The following PUM3 variants were observed in gnomAD, a reference collection of about 807,000 sequenced individuals.
The protein encoded by PUM3 is pumilio homolog 3.
In PUM3, 91 loss-of-function variants were observed where a neutral mutation model predicts 84.0. That is an observed-to-expected ratio of 1.08 (90% confidence interval 0.91 to 1.29). The LOEUF is 1.29. Among genes scored for constraint, PUM3 ranks in the 50% most tolerant of loss-of-function variants. The pLI is 0.00. For missense variants in PUM3, 1,067 were observed against 767.5 expected, an observed-to-expected ratio of 1.39 and a Z score of -4.61; for synonymous variants, 321 against 266.7, an observed-to-expected ratio of 1.20 and a Z score of -1.98.
intron 1 of PUM3, among the ~76,000 whole-genome samples, chr9:2,842,958 C>A (rs977108157): frequency 1.3e-5 from 2 of 152,170 alleles, no homozygotes; most frequent in Admixed American, 6.5e-5. Flanking sequence ...CCTCTCTACT[C>A]TGCCACGCTG....
intron 1 of PUM3, among the ~76,000 whole-genome samples, chr9:2,843,222 A>G (rs1335008800): frequency 6.6e-6 from 1 of 152,144 alleles, no homozygotes; most frequent in Admixed American, 6.5e-5. Context: ...GTTCCACTCT[A>G]TCCGGCTAAC....
intron 17 of PUM3, among the ~76,000 whole-genome samples, 161 bp from the exon 18 acceptor site, chr9:2,804,624 A>G (rs1443207274): frequency 6.6e-6 from 1 of 152,224 alleles, no homozygotes; most frequent in African/African-American, 2.4e-5. Flanking sequence ...CCAGTAGCCC[A>G]TATTATAACA....
chr9:2,834,829 G>A (rs999027269), intron 3 of PUM3, among the ~76,000 whole-genome samples: 11 of 106,958 alleles, frequency 1.0e-4, no homozygotes, highest in Non-Finnish European at 1.7e-4. Context: ...TATAAAAGTC[G>A]AATATCTATC....
At chr9:2,839,347 C>T (rs573220003) in intron 1 of PUM3, among the ~76,000 whole-genome samples, 13 of 152,258 alleles carry the variant, frequency 8.5e-5, no homozygotes, top group African/African-American at 3.1e-4. Context: ...CTAGACAACA[C>T]CAGATATTTC....
chr9:2,827,330 T>C (rs986456249), intron 9 of PUM3, among the ~76,000 whole-genome samples, 179 bp from the exon 10 acceptor site: 1 of 152,214 alleles, frequency 6.6e-6, no homozygotes, highest in South Asian at 2.1e-4. Flanking sequence ...AAAATTTAGA[T>C]GGTAAAATTG....
Position 2,823,785 on chromosome 9 carries a change from G to A in PUM3, c.1184C>T (p.Ala395Val). ...ATGTAGTTTTATTATACTTACATTA[G>A]CCACCTTTTCAACATAAGTCTTCAT... ...KTMKTYVEKV[A>V]NGQYSHLVLL... Residue 395 changes from alanine to valine, a missense_variant, in exon 12 of 18, where the codon GCT becomes GTT. Transcript: ENST00000397885. 1 of 1,436,074 alleles carries A rather than the reference G, an allele frequency of 7.0e-7. No individual in the cohort carries two copies. The highest frequency in any genetic ancestry group is 9.6e-7 in the Non-Finnish European group (1 of 1,040,124). 89.0% of individuals were successfully genotyped at this position (1,436,074 alleles called of 1,614,324 possible). A position where few individuals can be genotyped will look rare whatever the true frequency, so the allele number is the denominator to read the frequency against.
intron 3 of PUM3, among the ~76,000 whole-genome samples, chr9:2,835,557 TTATA>T (rs1816100234): frequency 1.2e-5 from 1 of 84,268 alleles, no homozygotes; most frequent in South Asian, 4.1e-4. Flanking sequence ...TATTGTTTAC[TTATA>T]TATTCATTCC....
intron 8 of PUM3, 40 bp from the exon 9 acceptor site, chr9:2,828,818 T>C (rs761570792): frequency 1.8e-6 from 2 of 1,099,660 alleles, no homozygotes; most frequent in South Asian, 1.3e-5. Flanking sequence ...CTAAATTTAA[T>C]CAATTTTTTC....
chr9:2,832,324 A>G (rs1036406684), intron 5 of PUM3, among the ~76,000 whole-genome samples: 4 of 152,170 alleles, frequency 2.6e-5, no homozygotes, highest in Non-Finnish European at 2.9e-5. Context: ...CAGATGAGGG[A>G]AGTAAGGTTA....
chr9:2,820,536 TACACACACAC>T (rs201509056), intron 12 of PUM3, among the ~76,000 whole-genome samples: 2 of 151,132 alleles, frequency 1.3e-5, no homozygotes, highest in East Asian at 3.9e-4. Flanking sequence ...TTTACACACA[TACACACACAC>T]ACACGATATA....
intron 12 of PUM3, among the ~76,000 whole-genome samples, chr9:2,820,351 T>C (rs565723915): frequency 4.6e-5 from 7 of 152,282 alleles, no homozygotes; most frequent in Non-Finnish European, 7.4e-5. Context: ...AAGCACATTA[T>C]TCATTACCAA....
intron 13 of PUM3, among the ~76,000 whole-genome samples, chr9:2,815,236 C>G (rs1382377810): frequency 6.6e-6 from 1 of 151,878 alleles, no homozygotes; most frequent in Non-Finnish European, 1.5e-5. Flanking sequence ...TTTTTTCAAC[C>G]CACCTTATTG....
At chr9:2,814,919 C>T (rs572036777) in intron 13 of PUM3, among the ~76,000 whole-genome samples, 1 of 152,242 alleles carries the variant, frequency 6.6e-6, no homozygotes, top group South Asian at 2.1e-4. Context: ...ATGAAGCCGG[C>T]AATGTATTCC....
intron 13 of PUM3, among the ~76,000 whole-genome samples, chr9:2,816,230 A>C (rs1353354979): frequency 6.6e-6 from 1 of 152,212 alleles, no homozygotes; most frequent in Non-Finnish European, 1.5e-5. Context: ...AGTTAATAAA[A>C]AGTTAAAACT....
In PUM3 at chr9:2,824,801, G is replaced by A. The variant is rs757789880; in HGVS notation, c.1050C>T (p.Ala350=). 10 of 1,568,856 alleles carry A rather than the reference G, an allele frequency of 6.4e-6. No homozygotes were observed. In the East Asian group the frequency reaches 1.8e-4, roughly 29 times the overall value. Residue 350 remains alanine (A), a synonymous_variant, in exon 11 of 18, where the codon GCC becomes GCT. Transcript: ENST00000397885. ...CCAGGTAGACCACCGCTTCGCGGAT[G>A]GCTTCAATCATTTCCTAGGGAACAA... The part of the protein sequence containing the change: ...PPKLRSEMIE[A]IREAVVYLAH...
At chr9:2,806,562 G>A (rs988247578) in intron 17 of PUM3, among the ~76,000 whole-genome samples, 4 of 152,154 alleles carry the variant, frequency 2.6e-5, no homozygotes, top group Non-Finnish European at 5.9e-5. Context: ...TAACACAGCA[G>A]GGGAAAAATC....
At chr9:2,834,662 T>C (rs916020777) in intron 3 of PUM3, among the ~76,000 whole-genome samples, 53 of 152,136 alleles carry the variant, frequency 3.5e-4, no homozygotes, top group Admixed American at 3.4e-3. Flanking sequence ...CTCTCTTCCA[T>C]GGTGGGGAAA....
At chr9:2,843,035 A>G (rs1816309650) in intron 1 of PUM3, among the ~76,000 whole-genome samples, 3 of 152,112 alleles carry the variant, frequency 2.0e-5, no homozygotes, top group African/African-American at 2.4e-5. Flanking sequence ...TACCAATACA[A>G]TCTCTTGAGC....
chr9:2,817,922 A>G (rs1821505004), intron 13 of PUM3, among the ~76,000 whole-genome samples: 3 of 152,208 alleles, frequency 2.0e-5, no homozygotes, highest in South Asian at 4.1e-4. Flanking sequence ...TTGCTGTCAA[A>G]CCGTCTGCAT....
Sources: allele counts gnomAD v4.1 joint callset (sites outside exome capture counted in the v4.1 genomes callset), GRCh38; gene constraint gnomAD v4.1.1; transcripts MANE v1.5; gene names NCBI Gene and HGNC (gene_info 2026-07-23, HGNC 2026-07-21).